The following KNDC1 variants were observed in gnomAD, a reference collection of about 807,000 sequenced individuals.
The protein encoded by KNDC1 is kinase non-catalytic C-lobe domain containing 1, also known as kinase non-catalytic C-lobe domain-containing protein 1.
In KNDC1, 106 loss-of-function variants were observed where a neutral mutation model predicts 172.8. That is an observed-to-expected ratio of 0.61 (90% confidence interval 0.52 to 0.72). KNDC1 has a LOEUF of 0.72. Ranked by LOEUF, KNDC1 falls within the 30% of genes least tolerant of loss-of-function variation. The pLI is 0.00. For synonymous variants in KNDC1, 1,083 were observed against 1,062.2 expected (o/e 1.02, Z -0.38); for missense variants, 2,325 against 2,394.5 (o/e 0.97, Z 0.61).
At position 133,207,516 on chromosome 10, in the gene KNDC1, G is replaced by C. The variant is rs543812273; in HGVS notation, c.3794+165G>C. On this transcript the variant is annotated intron_variant, in intron 20 of 29. Transcript: ENST00000304613. ...CAATGTGCACTAGGTGCCACCGGCAGCTTTGCAGAGCCCTGGCCAGAGTGG... is the reference window on the plus strand; with the variant it reads ...CAATGTGCACTAGGTGCCACCGGCACCTTTGCAGAGCCCTGGCCAGAGTGG... 3.1e-4 allele frequency among the ~76,000 whole-genome samples: 48 copies of C among 152,388 alleles called. 1 individual carries two copies. Among genetic ancestry groups the C allele is most frequent in the Admixed American group, 2.2e-3 (33 of 15,314 alleles).
chr10:133,165,754 G>A (rs1011681228), intron 1 of KNDC1, among the ~76,000 whole-genome samples: 13 of 152,176 alleles, frequency 8.5e-5, no homozygotes, highest in East Asian at 1.9e-4. Context: ...CCTCACAGGC[G>A]TCGCTGGGAG....
chr10:133,202,622 C>A (rs140416626), intron 17 of KNDC1: 1 of 456,566 alleles, frequency 2.2e-6, no homozygotes, highest in Admixed American at 2.3e-5. Flanking sequence ...CCGTGGGAAG[C>A]CTCCCCCAGC....
At chr10:133,182,192 G>A (rs1016208932) in intron 3 of KNDC1, among the ~76,000 whole-genome samples, 14 of 152,152 alleles carry the variant, frequency 9.2e-5, no homozygotes, top group East Asian at 1.9e-4. Flanking sequence ...TGGATGCTCC[G>A]CTGGTCACCT....
intron 21 of KNDC1, 71 bp from the exon 22 acceptor site, chr10:133,211,351 C>T: frequency 6.8e-7 from 1 of 1,461,730 alleles, no homozygotes; most frequent in Non-Finnish European, 9.2e-7. Context: ...GGGAGAGCCA[C>T]ATGCAAGCCC....
At position 133,224,551 on chromosome 10, in the gene KNDC1, G is replaced by GA; in HGVS notation, c.5019-104dup. ...ACCCACCCTTCAGAATTTACACGGT[G>GA]AAAAGATTTAGTCCAAATGATTCCT... On this transcript the variant is annotated intron_variant, in intron 29 of 29. Transcript: ENST00000304613. This position sits in a 1 kb window ranked among gnomAD's most constrained non-coding sequence, Gnocchi z 5.4. 5 of 775,746 alleles carry GA rather than the reference G, an allele frequency of 6.4e-6. No homozygotes were observed. Among genetic ancestry groups the GA allele is most frequent in the Non-Finnish European group, 1.0e-5 (5 of 476,818 alleles). 48.1% of individuals were successfully genotyped at this position (775,746 alleles called of 1,614,324 possible). A position where few individuals can be genotyped will look rare whatever the true frequency, so the allele number is the denominator to read the frequency against.
intron 3 of KNDC1, among the ~76,000 whole-genome samples, chr10:133,171,582 T>A (rs1418321805): frequency 6.6e-6 from 1 of 151,816 alleles, no homozygotes; most frequent in African/African-American, 2.4e-5. Flanking sequence ...AATTGTATTG[T>A]CCTCTTTTTA....
rs756335543 is a variant in KNDC1, at chr10:133,167,560, T to C, written c.282T>C (p.Cys94=). ...TLAFNTSGNV[C]FMEQLSDDPE... is the part of the protein sequence containing the mutation. ...CCTTCAACACCAGCGGGAACGTGTG[T>C]TTCATGGAGCAGCTCAGCGGTGAGG... The change falls in exon 2 of 30, where the codon TGT becomes TGC. Residue 94 remains cysteine (C), a synonymous_variant. Transcript: ENST00000304613. 4 of 1,598,088 alleles carry C rather than the reference T, an allele frequency of 2.5e-6. No homozygotes were observed. Among genetic ancestry groups the C allele is most frequent in the Non-Finnish European group, 3.4e-6 (4 of 1,172,726 alleles).
intron 17 of KNDC1, among the ~76,000 whole-genome samples, chr10:133,204,253 A>C (rs776213121): frequency 2.0e-5 from 3 of 152,172 alleles, no homozygotes; most frequent in Non-Finnish European, 4.4e-5. Context: ...TCCTTCCTTG[A>C]TGATGGAATG....
chr10:133,225,089 A>AG lies in KNDC1; in HGVS notation c.*201dup. On this transcript the variant is annotated 3_prime_UTR_variant, in exon 30 of 30. Coordinates refer to ENST00000304613, the MANE Select transcript of KNDC1 (RefSeq NM_152643.8). ...TGGTCTCCTCCCAGCAGACGGAGCC[A>AG]GGACGGGCACAAGAGTCTTGGAGGT... The AG allele has an allele frequency of 1.7e-6, 1 of 591,062 alleles. No individual in the cohort carries two copies. Among genetic ancestry groups the AG allele is most frequent in the East Asian group, 2.8e-5 (1 of 35,534 alleles). 36.6% of individuals were successfully genotyped at this position (591,062 alleles called of 1,614,324 possible). A position where few individuals can be genotyped will look rare whatever the true frequency, so the allele number is the denominator to read the frequency against.
At chr10:133,212,967 G>T in intron 24 of KNDC1, 45 bp downstream of exon 24, 1 of 1,559,896 alleles carries the variant, frequency 6.4e-7, no homozygotes, top group Non-Finnish European at 8.7e-7. Context: ...GCGAGTCGGG[G>T]CCCCAGAAAC....
At chr10:133,221,600 A>G (rs1589779182) in intron 29 of KNDC1, among the ~76,000 whole-genome samples, 1 of 152,002 alleles carries the variant, frequency 6.6e-6, no homozygotes, top group African/African-American at 2.4e-5. Flanking sequence ...ACCCTCCCCC[A>G]CGGTAGATGG....
intron 9 of KNDC1, among the ~76,000 whole-genome samples, chr10:133,192,552 C>T (rs892485645): frequency 2.6e-5 from 4 of 152,034 alleles, no homozygotes; most frequent in South Asian, 2.1e-4. Context: ...ATTGCAAACA[C>T]GCTTGAAACA....
intron 29 of KNDC1, among the ~76,000 whole-genome samples, chr10:133,221,356 C>T (rs1474465121): frequency 2.0e-5 from 3 of 152,174 alleles, no homozygotes; most frequent in Non-Finnish European, 2.9e-5. Context: ...CCTACCACCA[C>T]GACCCACAGG....
chr10:133,205,878 AAAAAT>A (rs1353705541), intron 17 of KNDC1, among the ~76,000 whole-genome samples: 2 of 152,252 alleles, frequency 1.3e-5, no homozygotes, highest in South Asian at 2.1e-4. Flanking sequence ...TCAAAAAATA[AAAAAT>A]AAAATAAAAT....
intron 16 of KNDC1, among the ~76,000 whole-genome samples, chr10:133,200,908 G>C (rs563543510): frequency 5.9e-5 from 9 of 152,212 alleles, no homozygotes; most frequent in Non-Finnish European, 1.3e-4. Context: ...TGCCAGGCTG[G>C]GGACGTCCCA....
At chr10:133,165,806 A>G (rs1228944622) in intron 1 of KNDC1, among the ~76,000 whole-genome samples, 2 of 151,966 alleles carry the variant, frequency 1.3e-5, no homozygotes, top group Non-Finnish European at 2.9e-5. Context: ...GGGCGGTGCT[A>G]AGAGGGCGGC....
chr10:133,180,797 C>T (rs1853694917), intron 3 of KNDC1, among the ~76,000 whole-genome samples: 1 of 152,234 alleles, frequency 6.6e-6, no homozygotes, highest in Admixed American at 6.5e-5. Context: ...ATAGTCCTTG[C>T]ATGGGGATTT....
intron 3 of KNDC1, among the ~76,000 whole-genome samples, chr10:133,177,053 A>C (rs1853556264): frequency 6.6e-6 from 1 of 152,142 alleles, no homozygotes; most frequent in South Asian, 2.1e-4. Context: ...CAGATCACCC[A>C]GCTGTGCACC....
intron 1 of KNDC1, 95 bp from the exon 2 acceptor site, chr10:133,167,286 C>T (rs1050514439): frequency 5.7e-6 from 7 of 1,236,190 alleles, no homozygotes; most frequent in Non-Finnish European, 6.7e-6. Context: ...AACGCTGCCA[C>T]GAGTCGTCCG....
Sources: gnomAD v4.1 joint callset for allele counts (sites outside exome capture counted in the v4.1 genomes callset) on GRCh38, gnomAD v4.1.1 for gene constraint, Gnocchi (gnomAD v3.1) non-coding constraint, MANE v1.5 for transcripts, NCBI Gene and HGNC (gene_info 2026-07-23, HGNC 2026-07-21) for gene names.